Variants in VWC2L observed in about 807,000 individuals in gnomAD.
VWC2L encodes the protein von Willebrand factor C domain containing 2 like, also known as von Willebrand factor C domain-containing protein 2-like.
In VWC2L, 10 loss-of-function variants were observed where a neutral mutation model predicts 21.6. That is an observed-to-expected ratio of 0.46 (90% confidence interval 0.29 to 0.78). The LOEUF is 0.78. Ranked by LOEUF, VWC2L falls within the 30% of genes least tolerant of loss-of-function variation. The pLI is 0.10. For synonymous variants in VWC2L, 96 were observed against 94.3 expected (o/e 1.02, Z -0.10); for missense variants, 209 against 277.1 (o/e 0.75, Z 1.74).
chr2:214,557,698 C>T (rs995963265), intron 3 of VWC2L, among the ~76,000 whole-genome samples: 3 of 152,224 alleles, frequency 2.0e-5, no homozygotes, highest in East Asian at 1.9e-4. Context: ...CCTCCTACTG[C>T]TCAGAGAAAA....
At chr2:214,535,547 C>A (rs1474816596) in intron 3 of VWC2L, among the ~76,000 whole-genome samples, 1 of 151,990 alleles carries the variant, frequency 6.6e-6, no homozygotes, top group African/African-American at 2.4e-5. Flanking sequence ...GAATTAGCAG[C>A]CACTTCAAAT....
At chr2:214,524,933 T>TG (rs1689304929) in intron 3 of VWC2L, among the ~76,000 whole-genome samples, 2 of 9,348 alleles carry the variant, frequency 2.1e-4, no homozygotes, top group South Asian at 0.33. Context: ...TTTGGCTGGC[T>TG]TTTTTTTTTT....
intron 3 of VWC2L, among the ~76,000 whole-genome samples, chr2:214,454,598 C>CTTTTTTTTTTTTTTTTTT (rs34032234): frequency 4.7e-5 from 3 of 64,134 alleles, no homozygotes; most frequent in African/African-American, 1.3e-4. Context: ...GATTGATTTT[C>CTTTTTTTTTTTTTTTTTT]TTTTTTTTTT....
chr2:214,476,748 C>T (rs1688531532), intron 3 of VWC2L, among the ~76,000 whole-genome samples: 1 of 152,294 alleles, frequency 6.6e-6, no homozygotes, highest in African/African-American at 2.4e-5. Context: ...TGAGCATACA[C>T]ACCACTTACT....
At chr2:214,564,884 T>C (rs955765031) in intron 3 of VWC2L, among the ~76,000 whole-genome samples, 2 of 152,172 alleles carry the variant, frequency 1.3e-5, no homozygotes, top group African/African-American at 2.4e-5. Context: ...CCCTCATCAG[T>C]AGCCCCTTTC....
intron 3 of VWC2L, among the ~76,000 whole-genome samples, chr2:214,468,017 T>C (rs1703244516): frequency 6.6e-6 from 1 of 151,628 alleles, no homozygotes; most frequent in Non-Finnish European, 1.5e-5. Flanking sequence ...TATTATGAGG[T>C]TTTACGTCTT....
chr2:214,530,570 C>T (rs1236991645), intron 3 of VWC2L, among the ~76,000 whole-genome samples: 1 of 152,016 alleles, frequency 6.6e-6, no homozygotes, highest in African/African-American at 2.4e-5. Flanking sequence ...TGGGCTCACA[C>T]CTTCCTGGGA....
At chr2:214,468,406 G>A (rs1389051510) in intron 3 of VWC2L, among the ~76,000 whole-genome samples, 1 of 152,096 alleles carries the variant, frequency 6.6e-6, no homozygotes, top group African/African-American at 2.4e-5. Context: ...GTAAATTATG[G>A]ATCCAGCTTT....
At chr2:214,516,816 C>T (rs1304883612) in intron 3 of VWC2L, among the ~76,000 whole-genome samples, 5 of 152,110 alleles carry the variant, frequency 3.3e-5, no homozygotes, top group African/African-American at 1.2e-4. Context: ...AACTATGAGC[C>T]CTGTGATCTT....
At chr2:214,507,258 G>C (rs910622325) in intron 3 of VWC2L, among the ~76,000 whole-genome samples, 1 of 152,058 alleles carries the variant, frequency 6.6e-6, no homozygotes, top group Admixed American at 6.6e-5. Context: ...AGTTTAAGAA[G>C]ACAAATGATA....
At chr2:214,570,736 G>T (rs1240146893) in intron 3 of VWC2L, among the ~76,000 whole-genome samples, 1 of 151,406 alleles carries the variant, frequency 6.6e-6, no homozygotes, top group East Asian at 1.9e-4. Flanking sequence ...TTTCCTCTTT[G>T]CTCCTAGCTC....
intron 3 of VWC2L, among the ~76,000 whole-genome samples, chr2:214,527,585 G>A (rs1574618302): frequency 6.6e-6 from 1 of 151,904 alleles, no homozygotes; most frequent in East Asian, 1.9e-4. Context: ...CTTTGCACTT[G>A]TCATTATCTC....
chr2:214,460,030 C>T (rs923418549), intron 3 of VWC2L, among the ~76,000 whole-genome samples: 16 of 151,082 alleles, frequency 1.1e-4, no homozygotes, highest in Non-Finnish European at 1.2e-4. Context: ...GCCTCAGCCT[C>T]GCGAGTAGTT....
chr2:214,563,546 CAAAAAAAAAAAAAAAAAAAAA>C, intron 3 of VWC2L, among the ~76,000 whole-genome samples: 1 of 95,870 alleles, frequency 1.0e-5, no homozygotes, highest in African/African-American at 4.2e-5. Flanking sequence ...GACTCCGTCT[CAAAAAAAAAAAAAAAAAAAAA>C]AAAAAAAAAA....
intron 2 of VWC2L, among the ~76,000 whole-genome samples, chr2:214,432,529 C>T (rs755187690): frequency 9.8e-5 from 15 of 152,298 alleles, no homozygotes; most frequent in South Asian, 2.1e-4. Context: ...TTTCATTTTA[C>T]TTGTTGATTT....
At chr2:214,575,233 TG>T (rs1178048331) in intron 3 of VWC2L, among the ~76,000 whole-genome samples, 1 of 152,064 alleles carries the variant, frequency 6.6e-6, no homozygotes, top group East Asian at 1.9e-4. Flanking sequence ...GCGAGTTTAT[TG>T]TCTCATACCC....
intron 1 of VWC2L, among the ~76,000 whole-genome samples, chr2:214,412,025 C>T (rs1030561745): frequency 3.3e-5 from 5 of 150,088 alleles, no homozygotes; most frequent in African/African-American, 4.9e-5. Context: ...ATTATGAAGG[C>T]TTTTTTTTAA....
intron 3 of VWC2L, among the ~76,000 whole-genome samples, chr2:214,512,611 A>G (rs1469132640): frequency 1.3e-5 from 2 of 152,180 alleles, no homozygotes; most frequent in East Asian, 3.9e-4. Flanking sequence ...ATTTTTGTCA[A>G]TGGACATGTA....
At chr2:214,571,213 G>T (rs1033911532) in intron 3 of VWC2L, among the ~76,000 whole-genome samples, 3 of 152,118 alleles carry the variant, frequency 2.0e-5, no homozygotes, top group Non-Finnish European at 4.4e-5. Context: ...ATACAGTAAT[G>T]CACTCCTAGC....
Sources: allele counts gnomAD v4.1 joint callset (sites outside exome capture counted in the v4.1 genomes callset), GRCh38; gene constraint gnomAD v4.1.1; transcripts MANE v1.5; gene names NCBI Gene and HGNC (gene_info 2026-07-23, HGNC 2026-07-21).